PPFIA2: variants seen among roughly 807,000 people sequenced by gnomAD.
PPFIA2 encodes PPFI scaffold protein A2.
In PPFIA2, 46 loss-of-function variants were observed where a neutral mutation model predicts 175.5. The observed-to-expected ratio is 0.26, with a 90% CI of 0.21 to 0.34. The LOEUF (loss-of-function observed/expected upper bound fraction) is 0.34, where lower values mean the gene tolerates loss of function less well. PPFIA2 is among the 10% of genes least tolerant of loss of function. The pLI is 1.00. For missense variants in PPFIA2, 1,179 were observed against 1,506.1 expected, an observed-to-expected ratio of 0.78 and a Z score of 3.60; for synonymous variants, 568 against 511.4, an observed-to-expected ratio of 1.11 and a Z score of -1.49.
intron 4 of PPFIA2, among the ~76,000 whole-genome samples, chr12:81,541,749 T>C (rs1029878400): frequency 6.6e-6 from 1 of 152,130 alleles, no homozygotes; most frequent in African/African-American, 2.4e-5. Context: ...GACTTTTATT[T>C]CTTGAGTTGT....
chr12:81,485,288 T>G (rs2058692163), intron 4 of PPFIA2, among the ~76,000 whole-genome samples: 1 of 151,802 alleles, frequency 6.6e-6, no homozygotes, highest in East Asian at 1.9e-4. Context: ...ATATCGTTTT[T>G]GTACAGGTTA....
At position 81,365,253 on chromosome 12, in the gene PPFIA2, G is replaced by A. The variant is rs144939690; in HGVS notation, c.1545+1855C>T. ...CAGAGGGTTTTGCTGATAATGGACT[G>A]TGAGTACAGTTAGTTTAGTGGAAAT... On this transcript the variant is annotated intron_variant, in intron 14 of 32. Coordinates refer to ENST00000549396, the MANE Select transcript of PPFIA2 (RefSeq NM_003625.5). Among the ~76,000 whole-genome samples, 236 of 151,952 alleles carry A rather than the reference G, an allele frequency of 1.6e-3. 2 individuals are homozygous for A. Among genetic ancestry groups the A allele is most frequent in the African/African-American group, 4.9e-3 (204 of 41,508 alleles).
chr12:81,568,344 G>A (rs1314183081), intron 4 of PPFIA2, among the ~76,000 whole-genome samples: 1 of 152,196 alleles, frequency 6.6e-6, no homozygotes, highest in Non-Finnish European at 1.5e-5. Flanking sequence ...TCCCTTGTTT[G>A]TCTGATGGTG....
At chr12:81,358,982 T>G (rs2061251293) in intron 15 of PPFIA2, among the ~76,000 whole-genome samples, 1 of 152,074 alleles carries the variant, frequency 6.6e-6, no homozygotes, top group African/African-American at 2.4e-5. Flanking sequence ...GGTAATAAAG[T>G]ACCCTATAAT....
At chr12:81,708,035 G>A (rs2077424410) in intron 3 of PPFIA2, among the ~76,000 whole-genome samples, 1 of 116,364 alleles carries the variant, frequency 8.6e-6, no homozygotes, top group Non-Finnish European at 1.7e-5. Flanking sequence ...GGTGGGGGGA[G>A]GGGGGAGGGA....
At chr12:81,628,444 T>C (rs938675913) in intron 4 of PPFIA2, among the ~76,000 whole-genome samples, 4 of 150,382 alleles carry the variant, frequency 2.7e-5, no homozygotes, top group Non-Finnish European at 4.4e-5. Flanking sequence ...TGGCGTGATC[T>C]TGGCTCACTA....
At chr12:81,666,678 G>A (rs2070372168) in intron 4 of PPFIA2, among the ~76,000 whole-genome samples, 1 of 151,996 alleles carries the variant, frequency 6.6e-6, no homozygotes, top group South Asian at 2.1e-4. Context: ...GAGTTACTGG[G>A]TGCAGCACAC....
chr12:81,375,711 A>G (rs1566537421), intron 10 of PPFIA2, 85 bp downstream of exon 10: 1 of 1,352,650 alleles, frequency 7.4e-7, no homozygotes, highest in Non-Finnish European at 1.0e-6. Flanking sequence ...ACATCTGTCA[A>G]GAAGTACCCT....
rs576923679 is a variant in PPFIA2 at position 81,388,305 on chromosome 12, T to A, written c.763-4061A>T. On this transcript the variant is annotated intron_variant, in intron 8 of 32. Transcript: ENST00000549396. ...AAACAAATATAACTTGATATGCTTGTACAATGAAAACAAACATATTACTGA... is the reference window on the plus strand; with the variant it reads ...AAACAAATATAACTTGATATGCTTGAACAATGAAAACAAACATATTACTGA... Among the ~76,000 whole-genome samples the A allele has an allele frequency of 3.9e-5, 6 of 152,262 alleles. No individual in the cohort carries two copies. In the South Asian group the frequency reaches 6.2e-4, roughly 16 times the overall value.
intron 4 of PPFIA2, among the ~76,000 whole-genome samples, chr12:81,458,946 G>A (rs2145838148): frequency 6.6e-6 from 1 of 152,192 alleles, no homozygotes; most frequent in Admixed American, 6.6e-5. Flanking sequence ...AAGGAGACAG[G>A]TTTGGTTAAC....
At chr12:81,630,881 C>CTATATA (rs67242917) in intron 4 of PPFIA2, among the ~76,000 whole-genome samples, 22 of 140,678 alleles carry the variant, frequency 1.6e-4, no homozygotes, top group East Asian at 6.3e-4. Flanking sequence ...TATGGAAAGG[C>CTATATA]TATATATATA....
Position 81,485,863 on chromosome 12 carries a change from A to C in PPFIA2, c.304-27997T>G, listed in dbSNP as rs546934877. Among the ~76,000 whole-genome samples the C allele has an allele frequency of 1.6e-4, 24 of 151,974 alleles. No homozygotes were observed. The South Asian group carries it at 4.8e-3, about 30-fold the overall frequency. On this transcript the variant is annotated intron_variant, in intron 4 of 32. Coordinates refer to ENST00000549396, the MANE Select transcript of PPFIA2 (RefSeq NM_003625.5). Reference sequence around the variant, plus strand: ...AATGTATAATAATATAAGCGACATAATTTTTGGAACTAAATGACTTGGCAA... The same window carrying C: ...AATGTATAATAATATAAGCGACATACTTTTTGGAACTAAATGACTTGGCAA...
chr12:81,303,562 G>C (rs2048394090), intron 22 of PPFIA2, among the ~76,000 whole-genome samples: 1 of 152,178 alleles, frequency 6.6e-6, no homozygotes, highest in Admixed American at 6.6e-5. Flanking sequence ...AAAGAATGCT[G>C]TTAGTATCTT....
At chr12:81,428,380 C>G (rs1473302470) in intron 7 of PPFIA2, among the ~76,000 whole-genome samples, 1 of 152,066 alleles carries the variant, frequency 6.6e-6, no homozygotes, top group Middle Eastern at 3.4e-3. Flanking sequence ...AGACTTGGAA[C>G]TAGTAAAATT....
chr12:81,341,300 G>T, intron 19 of PPFIA2, 92 bp from the exon 20 acceptor site: 1 of 1,262,566 alleles, frequency 7.9e-7, no homozygotes, highest in Non-Finnish European at 1.1e-6. Flanking sequence ...AGGCTGTCGA[G>T]TAATTTTAAT....
rs544690035 is a variant in PPFIA2, at chr12:81,269,501, T to A, written c.3311-1414A>T. On this transcript the variant is annotated intron_variant, in intron 28 of 32. Transcript: ENST00000549396. ...TTCTAAATAATTATTTTGATGAGTC[T>A]TTGAAAATCCTTATTTATCTTATTT... is the stretch of plus-strand genomic sequence containing the variant. 1.1e-3 allele frequency among the ~76,000 whole-genome samples: 170 copies of A among 152,336 alleles called. 1 individual carries two copies. Among genetic ancestry groups the A allele is most frequent in the Middle Eastern group, 3.4e-3 (1 of 294 alleles).
At position 81,353,250 on chromosome 12, in the gene PPFIA2, AGAC is replaced by A; in HGVS notation, c.1860_1862del (p.Met620_Ser621delinsIle). Reference sequence around the variant, plus strand: ...TTTCTCTGTCATCATCATCAATATCAGACATTTCAGTGTCACTTTCAAAAGGGT... The same window carrying A: ...TTTCTCTGTCATCATCATCAATATCAATTTCAGTGTCACTTTCAAAAGGGT... On this transcript the variant is annotated inframe_deletion, in exon 17 of 33. Coordinates refer to ENST00000549396, the MANE Select transcript of PPFIA2 (RefSeq NM_003625.5). The A allele has an allele frequency of 6.2e-7, 1 of 1,613,816 alleles. No homozygotes were observed. Among genetic ancestry groups the A allele is most frequent in the South Asian group, 1.1e-5 (1 of 91,090 alleles).
Position 81,277,415 on chromosome 12 carries a change from C to A in PPFIA2, c.3213-1G>T. The A allele has an allele frequency of 1.6e-6, 2 of 1,243,162 alleles. No individual in the cohort carries two copies. Among genetic ancestry groups the A allele is most frequent in the Non-Finnish European group, 1.0e-6 (1 of 954,306 alleles). The allele number at this position is 1,243,162 out of a possible 1,614,324, so 77.0% of individuals were successfully genotyped here. A position where few individuals can be genotyped will look rare whatever the true frequency, so the allele number is the denominator to read the frequency against. ...CATAATTCCATATTGTAAACTTGTT[C>A]TTTTTTTTTTATTAAAAAAAAAAAA... is the stretch of plus-strand genomic sequence containing the variant. On this transcript the variant is annotated splice_acceptor_variant, in intron 27 of 32. Coordinates refer to ENST00000549396, the MANE Select transcript of PPFIA2 (RefSeq NM_003625.5). LOFTEE classifies it high-confidence loss of function.
intron 4 of PPFIA2, among the ~76,000 whole-genome samples, chr12:81,553,894 G>C (rs755552244): frequency 2.8e-4 from 43 of 152,042 alleles, no homozygotes; most frequent in Non-Finnish European, 5.3e-4. Flanking sequence ...GGTGATGATG[G>C]AGTAGGTGGT....
Sources: gnomAD v4.1 joint callset for allele counts (sites outside exome capture counted in the v4.1 genomes callset) on GRCh38, gnomAD v4.1.1 for gene constraint, MANE v1.5 for transcripts, NCBI Gene and HGNC (gene_info 2026-07-23, HGNC 2026-07-21) for gene names.